CACNA2D1: variants seen among roughly 807,000 people sequenced by gnomAD.
CACNA2D1 encodes the protein voltage-dependent calcium channel subunit alpha-2/delta-1.
A neutral mutation model predicts 171.5 loss-of-function variants in CACNA2D1; 53 were observed. The observed-to-expected ratio is 0.31, with a 90% confidence interval of 0.25 to 0.39. CACNA2D1 has a LOEUF of 0.39. Among genes scored for constraint, CACNA2D1 ranks in the 10% least tolerant of loss-of-function variants. CACNA2D1 has a pLI of 1.00. For missense variants in CACNA2D1, 903 were observed against 1,299.8 expected (o/e 0.69, Z 4.69); for synonymous variants, 442 against 443.1 (o/e 1.00, Z 0.03).
intron 3 of CACNA2D1, among the ~76,000 whole-genome samples, chr7:82,303,056 C>A (rs919337417): frequency 6.6e-6 from 1 of 152,042 alleles, no homozygotes; most frequent in Non-Finnish European, 1.5e-5. Context: ...TGCAGTGGTG[C>A]GATCTCGGCT....
intron 3 of CACNA2D1, among the ~76,000 whole-genome samples, chr7:82,309,735 C>T (rs966122247): frequency 6.6e-6 from 1 of 152,094 alleles, no homozygotes; most frequent in East Asian, 1.9e-4. Context: ...GTCCATGGCA[C>T]GTGGCCCACC....
At chr7:82,112,671 C>T (rs1788599042) in intron 6 of CACNA2D1, among the ~76,000 whole-genome samples, 2 of 152,178 alleles carry the variant, frequency 1.3e-5, no homozygotes, top group Admixed American at 1.3e-4. Context: ...ACTACCCACA[C>T]TGGTTCTTGG....
chr7:82,175,760 T>C (rs941421078), intron 3 of CACNA2D1, among the ~76,000 whole-genome samples: 12 of 152,038 alleles, frequency 7.9e-5, no homozygotes, highest in Admixed American at 6.6e-4. Context: ...ATTTTGCATC[T>C]AGGATTTTCT....
intron 1 of CACNA2D1, among the ~76,000 whole-genome samples, chr7:82,408,400 T>G (rs1404560283): frequency 6.6e-6 from 1 of 152,130 alleles, no homozygotes; most frequent in Non-Finnish European, 1.5e-5. Flanking sequence ...AACAATGCTT[T>G]TGAGACCAGA....
intron 7 of CACNA2D1, among the ~76,000 whole-genome samples, chr7:82,067,383 A>G (rs929707031): frequency 3.3e-5 from 5 of 152,166 alleles, no homozygotes; most frequent in African/African-American, 1.2e-4. Flanking sequence ...ACGTTCCCCA[A>G]TCAATTTCGC....
At chr7:82,232,379 G>C (rs878875709) in intron 3 of CACNA2D1, among the ~76,000 whole-genome samples, 1 of 152,044 alleles carries the variant, frequency 6.6e-6, no homozygotes, top group Admixed American at 6.5e-5. Flanking sequence ...CTGCTGGCAA[G>C]TCAGAAAAAT....
intron 12 of CACNA2D1, among the ~76,000 whole-genome samples, chr7:82,026,573 A>G (rs1353047816): frequency 6.6e-6 from 1 of 151,738 alleles, no homozygotes; most frequent in Non-Finnish European, 1.5e-5. Context: ...CGTATTATGT[A>G]ACATTAATTT....
chr7:82,241,533 A>T (rs562160828), intron 3 of CACNA2D1, among the ~76,000 whole-genome samples: 1 of 152,278 alleles, frequency 6.6e-6, no homozygotes, highest in Admixed American at 6.5e-5. Context: ...CTGTGGGATC[A>T]ATTTGGGGAT....
intron 3 of CACNA2D1, among the ~76,000 whole-genome samples, chr7:82,315,391 GAA>G (rs983835745): frequency 6.6e-6 from 1 of 150,858 alleles, no homozygotes; most frequent in African/African-American, 2.4e-5. Context: ...AATACAATAA[GAA>G]AAAAAAGCAA....
intron 3 of CACNA2D1, among the ~76,000 whole-genome samples, chr7:82,192,460 TTGTGTGTGTGTGTGTGTGTGTGTG>T (rs200160135): frequency 1.5e-4 from 21 of 136,682 alleles, no homozygotes; most frequent in Non-Finnish European, 3.0e-4. Flanking sequence ...GTGTTTGTGT[TTGTGTGTGTGTGTGTGTGTGTGTG>T]TGTGTGTGTG....
chr7:82,223,773 A>G (rs897477195), intron 3 of CACNA2D1, among the ~76,000 whole-genome samples: 8 of 152,166 alleles, frequency 5.3e-5, no homozygotes, highest in Admixed American at 6.5e-5. Flanking sequence ...TTGTCACCCC[A>G]GTCTCCACAA....
rs767963960 is a variant in CACNA2D1 at position 82,013,451 on chromosome 7, A to G, written c.1272+10T>C. The stretch of plus-strand genomic sequence containing the variant: ...AAAAAATAATTTAAACAAGTTTTAA[A>G]TAATCATACCTGAGTATTGATTCTT... On this transcript the variant is annotated intron_variant, in intron 14 of 38. Transcript: ENST00000356860. 9.2e-7 allele frequency: 1 copy of G among 1,085,206 alleles called. No individual in the cohort carries two copies. The highest frequency in any genetic ancestry group is 3.1e-5 in the East Asian group (1 of 31,750). The allele number at this position is 1,085,206 out of a possible 1,614,324, so 67.2% of individuals were successfully genotyped here. A position where few individuals can be genotyped will look rare whatever the true frequency, so the allele number is the denominator to read the frequency against.
chr7:82,212,021 T>C (rs1800612854), intron 3 of CACNA2D1, among the ~76,000 whole-genome samples: 1 of 152,214 alleles, frequency 6.6e-6, no homozygotes, highest in African/African-American at 2.4e-5. Context: ...ACCACGTGTA[T>C]ATCTTCTTTT....
intron 3 of CACNA2D1, among the ~76,000 whole-genome samples, chr7:82,317,958 T>C (rs913509725): frequency 1.3e-5 from 2 of 151,616 alleles, no homozygotes; most frequent in Admixed American, 1.3e-4. Context: ...CTGACCTCCA[T>C]GGTTTACTTT....
rs139096078 is a variant in CACNA2D1 at position 82,087,617 on chromosome 7, G to T, written c.527-2717C>A. Among the ~76,000 whole-genome samples the T allele has an allele frequency of 1.6e-3, 246 of 150,382 alleles. 3 individuals are homozygous for T. In the East Asian group the frequency reaches 0.019, roughly 12 times the overall value. On this transcript the variant is annotated intron_variant, in intron 6 of 38. Coordinates refer to ENST00000356860, the MANE Select transcript of CACNA2D1 (RefSeq NM_000722.4). The stretch of plus-strand genomic sequence containing the variant: ...ATAAAGCATCAAAGCCAACAAGGAA[G>T]AATGAATACTATTTTAGACCTTGGG...
intron 3 of CACNA2D1, among the ~76,000 whole-genome samples, chr7:82,284,100 C>G (rs1810464121): frequency 6.7e-6 from 1 of 150,298 alleles, no homozygotes; most frequent in Admixed American, 6.7e-5. Context: ...GAGGCTGAGG[C>G]AGGAAGATCA....
rs138288247 is a variant in CACNA2D1, at chr7:82,010,238, G to A, written c.1362+1916C>T. 1.1e-3 allele frequency among the ~76,000 whole-genome samples: 173 copies of A among 151,490 alleles called. 1 individual carries two copies. The highest frequency in any genetic ancestry group is 3.9e-3 in the African/African-American group (160 of 41,284). On this transcript the variant is annotated intron_variant, in intron 15 of 38. Coordinates refer to ENST00000356860, the MANE Select transcript of CACNA2D1 (RefSeq NM_000722.4). ...CTTTTTAATATAACTGTTTATTTTT[G>A]ACCAACATATATTTTTAATCTGCTG...
At chr7:82,077,704 TC>T (rs1809162514) in intron 7 of CACNA2D1, among the ~76,000 whole-genome samples, 1 of 149,990 alleles carries the variant, frequency 6.7e-6, no homozygotes, top group African/African-American at 2.5e-5. Context: ...TATATAATGA[TC>T]AACAACTATA....
intron 3 of CACNA2D1, among the ~76,000 whole-genome samples, chr7:82,295,502 C>T (rs917811108): frequency 1.9e-4 from 29 of 151,782 alleles, no homozygotes; most frequent in African/African-American, 7.0e-4. Flanking sequence ...ATGCACTATA[C>T]CTCGCTAATT....
Sources: gnomAD v4.1 joint callset for allele counts (sites outside exome capture counted in the v4.1 genomes callset) on GRCh38, gnomAD v4.1.1 for gene constraint, MANE v1.5 for transcripts, NCBI Gene and HGNC (gene_info 2026-07-23, HGNC 2026-07-21) for gene names.